The following WRN variants were observed in gnomAD, a reference collection of about 807,000 sequenced individuals.
WRN encodes the protein bifunctional 3'-5' exonuclease/ATP-dependent helicase WRN.
Under a neutral mutation model 180.7 loss-of-function variants are expected in WRN, and 149 were observed. The ratio of observed to expected loss-of-function variants is 0.82; its 90% confidence interval spans 0.72 to 0.94. The LOEUF is 0.94. WRN is among the 40% of genes least tolerant of loss of function. The pLI is 0.00. For synonymous variants in WRN, 548 were observed against 568.9 expected, an observed-to-expected ratio of 0.96 and a Z score of 0.52; for missense variants, 1,661 against 1,700.1, an observed-to-expected ratio of 0.98 and a Z score of 0.40.
intron 17 of WRN, among the ~76,000 whole-genome samples, chr8:31,099,616 A>T (rs1585453690): frequency 7.3e-6 from 1 of 136,234 alleles, no homozygotes; most frequent in African/African-American, 2.8e-5. Flanking sequence ...GGACTGTTGT[A>T]GCTTGTAATG....
At chr8:31,158,404 C>CT (rs11331524) in intron 33 of WRN, among the ~76,000 whole-genome samples, 1,500 of 148,798 alleles carry the variant, frequency 0.01, 26 homozygotes, top group African/African-American at 0.034. Context: ...AATTATTATC[C>CT]TTTTTTTTTT....
chr8:31,058,558 G>T lies in WRN; in HGVS notation c.96+15G>T, dbSNP rs1376974912. The T allele has an allele frequency of 6.2e-7, 1 of 1,611,484 alleles. No homozygotes were observed. The highest frequency in any genetic ancestry group is 1.1e-5 in the South Asian group (1 of 90,822). On this transcript the variant is annotated intron_variant, in intron 2 of 34. Transcript: ENST00000298139. ...AAGAAAGAAAGGTATGTTGTTCATTGACTATTCTTTTGGGTGAGAAATTTA... is the reference window on the plus strand; with the variant it reads ...AAGAAAGAAAGGTATGTTGTTCATTTACTATTCTTTTGGGTGAGAAATTTA...
intron 18 of WRN, among the ~76,000 whole-genome samples, chr8:31,106,511 G>A (rs1801102946): frequency 6.6e-6 from 1 of 152,022 alleles, no homozygotes; most frequent in Admixed American, 6.6e-5. Flanking sequence ...CACCCTCCTT[G>A]TTTTTCTTCG....
chr8:31,048,285 T>C (rs1317196281), intron 1 of WRN, among the ~76,000 whole-genome samples: 1 of 152,238 alleles, frequency 6.6e-6, no homozygotes, highest in African/African-American at 2.4e-5. Flanking sequence ...AATGTAGTAA[T>C]AGATTCATGA....
intron 33 of WRN, 113 bp downstream of exon 33, chr8:31,157,643 T>A (rs1250553012): frequency 2.1e-5 from 29 of 1,383,404 alleles, no homozygotes; most frequent in African/African-American, 4.3e-5. Flanking sequence ...ATGAAAACCT[T>A]ACTTTTGTGA....
chr8:31,100,909 G>A lies in WRN; in HGVS notation c.2042G>A (p.Arg681Lys), dbSNP rs1814199797. ...HCISEWGHDFRDSFRKLGSLK... is the reference protein window; with the variant it reads ...HCISEWGHDFKDSFRKLGSLK... ...ATTTCTGAGTGGGGGCATGATTTTA[G>A]GGATTCATTCAGGAAGTTGGGCTCC... The change falls in exon 18 of 35, where the codon AGG becomes AAG. Residue 681 changes from arginine to lysine, a missense_variant. This residue lies in a region of WRN where 1,141 missense variants were observed against 1,149.4 expected (regional missense o/e 0.99). Transcript: ENST00000298139. The A allele has an allele frequency of 6.2e-7, 1 of 1,613,858 alleles. No homozygotes were observed. The highest frequency in any genetic ancestry group is 1.3e-5 in the African/African-American group (1 of 74,866).
intron 7 of WRN, among the ~76,000 whole-genome samples, chr8:31,074,703 G>A (rs192315211): frequency 6.6e-4 from 101 of 152,250 alleles, no homozygotes; most frequent in Non-Finnish European, 1.2e-3. Context: ...TTTATTATGA[G>A]TAGAGGTTTT....
At chr8:31,076,668 CATTT>C (rs1813106858) in intron 8 of WRN, among the ~76,000 whole-genome samples, 1 of 152,034 alleles carries the variant, frequency 6.6e-6, no homozygotes, top group African/African-American at 2.4e-5. Context: ...GATTTAATAA[CATTT>C]ATAGTTTGGT....
At chr8:31,092,835 G>A (rs1585443538) in intron 16 of WRN, among the ~76,000 whole-genome samples, 1 of 152,200 alleles carries the variant, frequency 6.6e-6, no homozygotes, top group East Asian at 1.9e-4. Context: ...CCATATAAAT[G>A]CAGTCACACA....
At chr8:31,118,900 A>G (rs1204602188) in intron 20 of WRN, among the ~76,000 whole-genome samples, 2 of 151,932 alleles carry the variant, frequency 1.3e-5, no homozygotes, top group Non-Finnish European at 2.9e-5. Context: ...TGAATAAATT[A>G]TTTGATAAAA....
intron 24 of WRN, among the ~76,000 whole-genome samples, chr8:31,132,859 T>C (rs541824788): frequency 5.9e-5 from 9 of 152,330 alleles, no homozygotes; most frequent in South Asian, 2.1e-4. Context: ...AGAACAAAAT[T>C]GTCCTTTTGT....
intron 31 of WRN, among the ~76,000 whole-genome samples, chr8:31,154,418 A>G (rs1279120410): frequency 6.6e-6 from 1 of 152,090 alleles, no homozygotes; most frequent in Non-Finnish European, 1.5e-5. Flanking sequence ...TTTTATTAAA[A>G]TTTTGTGTGC....
Position 31,174,082 on chromosome 8 carries a change from C to G in WRN, c.*980C>G, listed in dbSNP as rs892275045. On this transcript the variant is annotated 3_prime_UTR_variant, in exon 35 of 35. Coordinates refer to ENST00000298139, the MANE Select transcript of WRN (RefSeq NM_000553.6). ...TCATAGTTTTACTAGTAGCTAATCACAGTCAACCTCTTTTGTGTATCCCAC... is the reference window on the plus strand; with the variant it reads ...TCATAGTTTTACTAGTAGCTAATCAGAGTCAACCTCTTTTGTGTATCCCAC... Among the ~76,000 whole-genome samples, 17 of 152,332 alleles carry G rather than the reference C, an allele frequency of 1.1e-4. No individual in the cohort carries two copies. The highest frequency in any genetic ancestry group is 2.1e-4 in the South Asian group (1 of 4,824).
chr8:31,085,223 G>T lies in WRN; in HGVS notation c.1408G>T (p.Asp470Tyr), dbSNP rs759321856. 8 of 1,612,536 alleles carry T rather than the reference G, an allele frequency of 5.0e-6. No homozygotes were observed. Among genetic ancestry groups the T allele is most frequent in the South Asian group, 1.1e-5 (1 of 91,032 alleles). Reference sequence around the variant, plus strand: ...GTCCTATGTAATTGAGAGTGATGAAGATTTAGAAATGGAGATGCTTAAGGT... The same window carrying T: ...GTCCTATGTAATTGAGAGTGATGAATATTTAGAAATGGAGATGCTTAAGGT... ...DTSYVIESDE[D>Y]LEMEMLKSLE... The change falls in exon 11 of 35, where the codon GAT (aspartate) becomes TAT (tyrosine). Residue 470 changes from aspartate (D) to tyrosine (Y), a missense_variant. Transcript: ENST00000298139.
chr8:31,124,468 T>A (rs2130342169), intron 21 of WRN, 54 bp from the exon 22 acceptor site: 7 of 1,343,440 alleles, frequency 5.2e-6, no homozygotes, highest in South Asian at 3.8e-5. Context: ...AAAAAAAAAG[T>A]AAGAAAGTTG....
intron 30 of WRN, 117 bp from the exon 31 acceptor site, chr8:31,150,224 C>A: frequency 1.2e-6 from 1 of 836,598 alleles, no homozygotes; most frequent in South Asian, 1.4e-5. Flanking sequence ...GTTGGAAAAA[C>A]TATACATTTA....
At chr8:31,088,748 A>G (rs1813632053) in intron 12 of WRN, 142 bp from the exon 13 acceptor site, 2 of 712,954 alleles carry the variant, frequency 2.8e-6, no homozygotes, top group East Asian at 5.6e-5. Flanking sequence ...ACCAGTTTGT[A>G]TTGGAATTAA....
intron 23 of WRN, among the ~76,000 whole-genome samples, chr8:31,125,545 T>G (rs1231023847): frequency 2.7e-5 from 3 of 110,574 alleles, no homozygotes; most frequent in Non-Finnish European, 5.5e-5. Flanking sequence ...GAGATATATA[T>G]ATATATATAT....
intron 28 of WRN, among the ~76,000 whole-genome samples, chr8:31,146,319 T>A (rs1313063523): frequency 6.6e-6 from 1 of 150,542 alleles, no homozygotes; most frequent in Non-Finnish European, 1.5e-5. Flanking sequence ...TAATATTGTA[T>A]TTATATTATT....
Sources: gnomAD v4.1 joint callset for allele counts (sites outside exome capture counted in the v4.1 genomes callset) on GRCh38, gnomAD v4.1.1 for gene constraint, gnomAD v4.1.1 regional missense constraint, MANE v1.5 for transcripts, NCBI Gene and HGNC (gene_info 2026-07-23, HGNC 2026-07-21) for gene names.